The following CCDC93 variants were observed in gnomAD, a reference collection of about 807,000 sequenced individuals.
CCDC93 encodes the protein CCC complex scaffolding subunit CCDC93, also known as coiled-coil domain-containing protein 93.
A neutral mutation model predicts 108.2 loss-of-function variants in CCDC93; 61 were observed. The observed-to-expected ratio is 0.56, with a 90% CI of 0.46 to 0.70. The LOEUF (loss-of-function observed/expected upper bound fraction) is 0.70, where lower values mean the gene tolerates loss of function less well. CCDC93 is among the 30% of genes least tolerant of loss of function. The pLI is 0.00. For missense variants in CCDC93, 685 were observed against 764.2 expected (o/e 0.90, Z 1.22); for synonymous variants, 276 against 260.4 (o/e 1.06, Z -0.58).
At chr2:118,013,303 G>A (rs1183039158) in intron 1 of CCDC93, among the ~76,000 whole-genome samples, 2 of 152,354 alleles carry the variant, frequency 1.3e-5, no homozygotes, top group Middle Eastern at 3.4e-3. Flanking sequence ...TCCGCCCAGA[G>A]CCGGGTCCCC....
At position 117,915,846 on chromosome 2, in the gene CCDC93, CACTT is replaced by C. The variant is rs1405872107; in HGVS notation, c.*4493_*4496del. ...TTAGGATACCATGGGCTTTTTTCCT[CACTT>C]AATCATGCATCTTGGGGCCCATTCT... On this transcript the variant is annotated 3_prime_UTR_variant, in exon 24 of 24. Coordinates refer to ENST00000376300, the MANE Select transcript of CCDC93 (RefSeq NM_019044.5). 3 of 152,188 alleles carry C rather than the reference CACTT, an allele frequency of 2.0e-5. No individual in the cohort carries two copies. Among genetic ancestry groups the C allele is most frequent in the African/African-American group, 4.8e-5 (2 of 41,442 alleles). The allele number at this position is 152,188 out of a possible 1,614,324, so 9.4% of individuals were successfully genotyped here.
chr2:117,956,187 A>C (rs1021399240), intron 12 of CCDC93, among the ~76,000 whole-genome samples: 2 of 152,206 alleles, frequency 1.3e-5, no homozygotes, highest in African/African-American at 4.8e-5. Context: ...CTCTAATTAC[A>C]TTAAACATTG....
chr2:117,918,600 C>A lies in CCDC93; in HGVS notation c.*1743G>T, dbSNP rs189425397. 1 of 152,366 alleles carries A rather than the reference C, an allele frequency of 6.6e-6. No homozygotes were observed. Among genetic ancestry groups the A allele is most frequent in the East Asian group, 1.9e-4 (1 of 5,192 alleles). 9.4% of individuals were successfully genotyped at this position (152,366 alleles called of 1,614,324 possible). A position where few individuals can be genotyped will look rare whatever the true frequency, so the allele number is the denominator to read the frequency against. Reference sequence around the variant, plus strand: ...AGGGGTGGGCCTACAAGCTGCTTAACAAGACAACGCAGATGTTTCCCTGAC... The same window carrying A: ...AGGGGTGGGCCTACAAGCTGCTTAAAAAGACAACGCAGATGTTTCCCTGAC... On this transcript the variant is annotated 3_prime_UTR_variant, in exon 24 of 24. Transcript: ENST00000376300.
rs1273010776 is a variant in CCDC93 at position 117,928,767 on chromosome 2, C to T, written c.1842+2270G>A. 3.9e-5 allele frequency among the ~76,000 whole-genome samples: 6 copies of T among 152,204 alleles called. No homozygotes were observed. In the East Asian group the frequency reaches 9.6e-4, roughly 24 times the overall value. The stretch of plus-strand genomic sequence containing the variant: ...CAGCCATCCCATTACTGGGTACATA[C>T]CCAAAGGATTATAAATCATGCTGCA... On this transcript the variant is annotated intron_variant, in intron 23 of 23. Coordinates refer to ENST00000376300, the MANE Select transcript of CCDC93 (RefSeq NM_019044.5).
intron 10 of CCDC93, 48 bp from the exon 11 acceptor site, chr2:117,974,042 A>G: frequency 8.2e-7 from 1 of 1,222,496 alleles, no homozygotes; most frequent in Non-Finnish European, 1.2e-6. Context: ...CTTGTCTTCC[A>G]TAGCACTGGA....
At chr2:117,951,456 G>A in intron 13 of CCDC93, 3 of 986,014 alleles carry the variant, frequency 3.0e-6, no homozygotes, top group Middle Eastern at 5.2e-4. Flanking sequence ...TTTACATCAA[G>A]GTGGCAAATT....
chr2:117,998,258 A>G (rs974061071), intron 4 of CCDC93: 26 of 152,336 alleles, frequency 1.7e-4, no homozygotes, highest in Admixed American at 1.1e-3. Context: ...CTAGAATCAC[A>G]TAAGAGAAGT....
intron 23 of CCDC93, among the ~76,000 whole-genome samples, chr2:117,928,588 A>G (rs938592095): frequency 6.6e-6 from 1 of 152,248 alleles, no homozygotes; most frequent in African/African-American, 2.4e-5. Context: ...TAGAATGGCA[A>G]TCATTAAAAA....
In CCDC93 at chr2:117,957,167, A is replaced by G. The variant is rs567604910; in HGVS notation, c.1005+1198T>C. Among the ~76,000 whole-genome samples the G allele has an allele frequency of 9.2e-5, 14 of 152,306 alleles. 1 individual carries two copies. The South Asian group carries it at 2.9e-3, about 32-fold the overall frequency. Reference sequence around the variant, plus strand: ...CAGCCTCCCAAAGTGCTGGGATTACAGGCGTGAGCCACCACACCTGGCCCA... The same window carrying G: ...CAGCCTCCCAAAGTGCTGGGATTACGGGCGTGAGCCACCACACCTGGCCCA... On this transcript the variant is annotated intron_variant, in intron 12 of 23. Transcript: ENST00000376300.
At chr2:117,927,387 A>C (rs1025176344) in intron 23 of CCDC93, among the ~76,000 whole-genome samples, 1 of 152,208 alleles carries the variant, frequency 6.6e-6, no homozygotes, top group African/African-American at 2.4e-5. Flanking sequence ...TCTCAGCCCA[A>C]AATCTCCTTA....
At chr2:118,007,646 GC>G (rs1362198718) in intron 2 of CCDC93, among the ~76,000 whole-genome samples, 1 of 152,192 alleles carries the variant, frequency 6.6e-6, no homozygotes, top group East Asian at 1.9e-4. Flanking sequence ...TCCAGCCTGG[GC>G]AGCAGAGAGA....
At chr2:117,928,665 C>T (rs548007544) in intron 23 of CCDC93, among the ~76,000 whole-genome samples, 1 of 152,160 alleles carries the variant, frequency 6.6e-6, no homozygotes, top group African/African-American at 2.4e-5. Context: ...GTTGGTGGGA[C>T]TGTAAACTAG....
chr2:117,997,576 CAT>C (rs1680694147), intron 4 of CCDC93: 2 of 152,214 alleles, frequency 1.3e-5, no homozygotes, highest in African/African-American at 4.8e-5. Flanking sequence ...AAGTAAAGCA[CAT>C]GTTTAGGAAA....
rs1305354416 is a variant in CCDC93, at chr2:117,931,052, C to T, written c.1827G>A (p.Val609=). ...TTCCTCTTACCTCCTTGAACTCTTT[C>T]ACAGTCTTAAAGTATAGCCTCTGCT... ...LEKQRLYFKT[V]KEFKEEGRKN... is the part of the protein sequence containing the mutation. Residue 609 remains valine, a synonymous_variant, in exon 23 of 24, where the codon GTG becomes GTA. Transcript: ENST00000376300. 7 of 1,609,988 alleles carry T rather than the reference C, an allele frequency of 4.3e-6. No individual in the cohort carries two copies. Among genetic ancestry groups the T allele is most frequent in the Non-Finnish European group, 4.2e-6 (5 of 1,176,780 alleles).
chr2:117,983,184 C>G (rs1374931506), intron 7 of CCDC93, among the ~76,000 whole-genome samples: 1 of 152,184 alleles, frequency 6.6e-6, no homozygotes, highest in Non-Finnish European at 1.5e-5. Flanking sequence ...CCATCCTATT[C>G]AATTTCCAGA....
chr2:118,012,085 C>T (rs1036522153), intron 1 of CCDC93, among the ~76,000 whole-genome samples: 1 of 152,098 alleles, frequency 6.6e-6, no homozygotes, highest in Non-Finnish European at 1.5e-5. Flanking sequence ...GGAAGGCAGG[C>T]CAAGTCTAGC....
intron 10 of CCDC93, 44 bp downstream of exon 10, chr2:117,974,806 T>G: frequency 6.9e-7 from 1 of 1,456,384 alleles, no homozygotes; most frequent in African/African-American, 1.4e-5. Flanking sequence ...CAGAGCAGGG[T>G]GGTGCCAAGT....
At chr2:117,920,513 A>G in intron 23 of CCDC93, 117 bp from the exon 24 acceptor site, 1 of 594,018 alleles carries the variant, frequency 1.7e-6, no homozygotes, top group Non-Finnish European at 2.9e-6. Context: ...TGGCCAACCC[A>G]GTCTCTTGGC....
chr2:117,941,397 C>T, intron 18 of CCDC93, 100 bp from the exon 19 acceptor site: 1 of 827,940 alleles, frequency 1.2e-6, no homozygotes, highest in Non-Finnish European at 2.0e-6. Context: ...CTGAGCCCAA[C>T]CATGCGCCCT....
Sources: gnomAD v4.1 joint callset for allele counts (sites outside exome capture counted in the v4.1 genomes callset) on GRCh38, gnomAD v4.1.1 for gene constraint, MANE v1.5 for transcripts, NCBI Gene and HGNC (gene_info 2026-07-23, HGNC 2026-07-21) for gene names.